WAPL: variants seen among roughly 807,000 people sequenced by gnomAD.
WAPL encodes the protein WAPL cohesin release factor.
WAPL carries 5 observed loss-of-function variants against 121.0 expected under a neutral mutation model. The ratio of observed to expected loss-of-function variants is 0.04; its 90% confidence interval spans 0.02 to 0.09. WAPL has a LOEUF of 0.09. Ranked by LOEUF, WAPL falls within the 10% of genes least tolerant of loss-of-function variation. The pLI, the probability that WAPL is intolerant of heterozygous loss-of-function variation, is 1.00. For synonymous variants in WAPL, 480 were observed against 481.5 expected, an observed-to-expected ratio of 1.00 and a Z score of 0.04; for missense variants, 999 against 1,410.8, an observed-to-expected ratio of 0.71 and a Z score of 4.68.
intron 2 of WAPL, among the ~76,000 whole-genome samples, chr10:86,503,106 C>T (rs1359309807): frequency 6.6e-6 from 1 of 152,050 alleles, no homozygotes; most frequent in African/African-American, 2.4e-5. Context: ...TGCAGTGAGC[C>T]AAGATCATGT....
At chr10:86,438,669 T>G (rs1190093144) in intron 17 of WAPL, among the ~76,000 whole-genome samples, 1 of 152,210 alleles carries the variant, frequency 6.6e-6, no homozygotes, top group Non-Finnish European at 1.5e-5. Flanking sequence ...ACTTTAGACC[T>G]GAGAATGTAC....
intron 8 of WAPL, among the ~76,000 whole-genome samples, chr10:86,468,178 A>T (rs185138195): frequency 4.4e-4 from 67 of 152,044 alleles, no homozygotes; most frequent in African/African-American, 1.5e-3. Context: ...TATATATATA[A>T]AAACCTTATT....
Position 86,507,649 on chromosome 10 carries a change from T to C in WAPL, c.500-6906A>G, listed in dbSNP as rs118129177. Reference sequence around the variant, plus strand: ...TTCCATCTCAGCCACCAGTTCTCAGTTGCATCCAGAAGCTTGCCGTATATC... The same window carrying C: ...TTCCATCTCAGCCACCAGTTCTCAGCTGCATCCAGAAGCTTGCCGTATATC... On this transcript the variant is annotated intron_variant, in intron 2 of 18. Coordinates refer to ENST00000298767, the MANE Select transcript of WAPL (RefSeq NM_015045.5). 3.7e-4 allele frequency among the ~76,000 whole-genome samples: 56 copies of C among 152,162 alleles called. No individual in the cohort carries two copies. In the East Asian group the frequency reaches 0.01, roughly 28 times the overall value.
At chr10:86,482,419 T>C (rs918236594) in intron 4 of WAPL, among the ~76,000 whole-genome samples, 22 of 152,248 alleles carry the variant, frequency 1.4e-4, no homozygotes, top group African/African-American at 4.6e-4. Flanking sequence ...GTATGTAATA[T>C]ATGTATACGT....
intron 14 of WAPL, 79 bp from the exon 15 acceptor site, chr10:86,452,210 G>C: frequency 7.2e-7 from 1 of 1,393,044 alleles, no homozygotes; most frequent in Non-Finnish European, 9.7e-7. Flanking sequence ...AATTTTTAAT[G>C]GCAACTAAAA....
rs766031385 is a variant in WAPL, at chr10:86,472,347, G to A, written c.1894-3C>T. 3 of 1,584,476 alleles carry A rather than the reference G, an allele frequency of 1.9e-6. No homozygotes were observed. The African/African-American group carries it at 4.1e-5, about 22-fold the overall frequency. On this transcript the variant is annotated splice_polypyrimidine_tract_variant and splice_region_variant and intron_variant, in intron 6 of 18. Coordinates refer to ENST00000298767, the MANE Select transcript of WAPL (RefSeq NM_015045.5). The surrounding 1 kb of genome is among the most constrained non-coding windows in gnomAD (Gnocchi z 4.2). ...ACGTGCTGAACAACAGTATATAACT[G>A]CCAAGAAAAAAAAAGTTCACCCCTT...
chr10:86,490,012 CA>C (rs1842010536), intron 4 of WAPL, among the ~76,000 whole-genome samples: 1 of 151,926 alleles, frequency 6.6e-6, no homozygotes, highest in African/African-American at 2.4e-5. Context: ...GTCAGCAGTT[CA>C]AGATCAGCCT....
intron 1 of WAPL, among the ~76,000 whole-genome samples, 163 bp from the exon 2 acceptor site, chr10:86,518,254 T>C (rs1255952572): frequency 6.6e-6 from 1 of 152,194 alleles, no homozygotes; most frequent in Non-Finnish European, 1.5e-5. Flanking sequence ...AAAGGCTGAT[T>C]TATTACCCTA....
intron 9 of WAPL, 33 bp from the exon 10 acceptor site, chr10:86,461,320 A>G (rs1442667949): frequency 6.6e-7 from 1 of 1,523,244 alleles, no homozygotes; most frequent in African/African-American, 1.4e-5. Flanking sequence ...ATGAATATCA[A>G]CTTTTAGCAA....
At chr10:86,455,230 T>G (rs959836167) in intron 12 of WAPL, among the ~76,000 whole-genome samples, 1 of 152,170 alleles carries the variant, frequency 6.6e-6, no homozygotes, top group Admixed American at 6.5e-5. Flanking sequence ...ACGATGGCAG[T>G]TTTGTCGAAC....
Position 86,517,686 on chromosome 10 carries a change from G to A in WAPL, c.384C>T (p.Val128=), listed in dbSNP as rs772520387. 4.3e-6 allele frequency: 7 copies of A among 1,613,920 alleles called. No individual in the cohort carries two copies. Among genetic ancestry groups the A allele is most frequent in the Middle Eastern group, 1.6e-4 (1 of 6,082 alleles). Residue 128 remains valine, a synonymous_variant, in exon 2 of 19, where the codon GTC becomes GTT. Coordinates refer to ENST00000298767, the MANE Select transcript of WAPL (RefSeq NM_015045.5). Reference sequence around the variant, plus strand: ...CCAAAGGGAAGCATTTATCAGAAACGACAGTGTCTTCAACGACCACATGAC... The same window carrying A: ...CCAAAGGGAAGCATTTATCAGAAACAACAGTGTCTTCAACGACCACATGAC... ...KISHVVVEDT[V]VSDKCFPLED... is the part of the protein sequence containing the mutation.
At position 86,517,895 on chromosome 10, in the gene WAPL, G is replaced by T; in HGVS notation, c.175C>A (p.Pro59Thr). 1.2e-6 allele frequency: 2 copies of T among 1,614,010 alleles called. No homozygotes were observed. The highest frequency in any genetic ancestry group is 8.5e-7 in the Non-Finnish European group (1 of 1,179,990). The change falls in exon 2 of 19, where the codon CCG (proline) becomes ACG (threonine). Residue 59 changes from proline to threonine, a missense_variant. Pro to Thr is a conservative substitution (Grantham distance 38). Transcript: ENST00000298767. ...TCTTCTTCCACTTTAGGTTTCTTCG[G>T]AATTTCTTGGATATCTGGTTTGAAA... ...PNFKPDIQEI[P>T]KKPKVEEEST...
intron 2 of WAPL, among the ~76,000 whole-genome samples, chr10:86,513,297 C>T (rs1842499528): frequency 6.6e-6 from 1 of 151,864 alleles, no homozygotes; most frequent in Non-Finnish European, 1.5e-5. Context: ...TTATAGTGAC[C>T]TCATCCTAAG....
rs115000884 is a variant in WAPL, at chr10:86,471,173, C to T, written c.2031-70G>A. ...ACATTAGTTTTGAGTTTGTGTAATA[C>T]CAAAACCAGCAAATAGGAAGGGGGT... On this transcript the variant is annotated intron_variant, in intron 7 of 18. Transcript: ENST00000298767. The T allele has an allele frequency of 2.1e-3, 2,611 of 1,237,858 alleles. 46 individuals are homozygous for T. The African/African-American group carries it at 0.034, about 16-fold the overall frequency. The allele number at this position is 1,237,858 out of a possible 1,614,324, so 76.7% of individuals were successfully genotyped here. A position where few individuals can be genotyped will look rare whatever the true frequency, so the allele number is the denominator to read the frequency against.
intron 4 of WAPL, among the ~76,000 whole-genome samples, chr10:86,487,895 AAAAC>A (rs1262048362): frequency 1.4e-4 from 21 of 152,238 alleles, no homozygotes; most frequent in East Asian, 9.7e-4. Context: ...ACTCTGTCTC[AAAAC>A]AAACAAACAA....
chr10:86,454,973 T>G, intron 12 of WAPL, among the ~76,000 whole-genome samples: 2 of 151,220 alleles, frequency 1.3e-5, no homozygotes, highest in African/African-American at 4.9e-5. Context: ...CCGCCCGGTC[T>G]GGGAAGTGAG....
chr10:86,515,617 T>C (rs1300652618), intron 2 of WAPL, among the ~76,000 whole-genome samples: 1 of 151,468 alleles, frequency 6.6e-6, no homozygotes, highest in African/African-American at 2.4e-5. Flanking sequence ...AACCTGTCCC[T>C]ACAAAAATAC....
At chr10:86,460,941 G>A (rs1385843239) in intron 10 of WAPL, among the ~76,000 whole-genome samples, 1 of 152,072 alleles carries the variant, frequency 6.6e-6, no homozygotes, top group Non-Finnish European at 1.5e-5. Context: ...TCAAACTCCC[G>A]ACCTCAGGTG....
chr10:86,451,913 T>C (rs1840990450), intron 15 of WAPL, 54 bp downstream of exon 15: 4 of 1,590,352 alleles, frequency 2.5e-6, no homozygotes, highest in Non-Finnish European at 3.4e-6. Context: ...TAAAAGAAAT[T>C]GGACAAATCC....
Sources: gnomAD v4.1 joint callset for allele counts (sites outside exome capture counted in the v4.1 genomes callset) on GRCh38, gnomAD v4.1.1 for gene constraint, Gnocchi (gnomAD v3.1) non-coding constraint, MANE v1.5 for transcripts, NCBI Gene and HGNC (gene_info 2026-07-23, HGNC 2026-07-21) for gene names.